TRIM24: variants seen among roughly 807,000 people sequenced by gnomAD.
TRIM24 encodes the protein transcription intermediary factor 1-alpha.
In TRIM24, 29 loss-of-function variants were observed where a neutral mutation model predicts 123.9. The ratio of observed to expected loss-of-function variants is 0.23; its 90% CI spans 0.17 to 0.32. The LOEUF (loss-of-function observed/expected upper bound fraction) is 0.32, where lower values mean the gene tolerates loss of function less well. Among genes scored for constraint, TRIM24 ranks in the 10% least tolerant of loss-of-function variants. The pLI, the probability that TRIM24 is intolerant of heterozygous loss-of-function variation, is 1.00. For missense variants in TRIM24, 932 were observed against 1,295.3 expected (o/e 0.72, Z 4.31); for synonymous variants, 456 against 461.1 (o/e 0.99, Z 0.14).
chr7:138,538,869 T>C, intron 7 of TRIM24, 66 bp downstream of exon 7: 1 of 1,384,790 alleles, frequency 7.2e-7, no homozygotes. Context: ...GCCATTGTAA[T>C]GCTTAAAATT....
At chr7:138,537,923 C>G (rs190415560) in intron 6 of TRIM24, among the ~76,000 whole-genome samples, 2 of 152,172 alleles carry the variant, frequency 1.3e-5, no homozygotes, top group Non-Finnish European at 2.9e-5. Context: ...CCTCCTTTTT[C>G]CTTGCTAGGT....
At chr7:138,501,814 G>A (rs1183181153) in intron 1 of TRIM24, among the ~76,000 whole-genome samples, 1 of 151,802 alleles carries the variant, frequency 6.6e-6, no homozygotes. Context: ...CTTGAACCAG[G>A]GAGGCAGAGG....
intron 2 of TRIM24, among the ~76,000 whole-genome samples, chr7:138,508,692 T>TGTGTGTGTGTGTGCGCGCGC (rs1422176564): frequency 2.2e-5 from 3 of 137,278 alleles, no homozygotes; most frequent in South Asian, 2.4e-4. Flanking sequence ...TGTGTGTGTG[T>TGTGTGTGTGTGTGCGCGCGC]GCGCGCGCGT....
chr7:138,483,810 T>C (rs1476859884), intron 1 of TRIM24, among the ~76,000 whole-genome samples: 1 of 152,146 alleles, frequency 6.6e-6, no homozygotes, highest in Non-Finnish European at 1.5e-5. Context: ...CACAGGAGGA[T>C]GAGATTGGCT....
intron 1 of TRIM24, among the ~76,000 whole-genome samples, chr7:138,501,546 A>G (rs1426406296): frequency 6.6e-6 from 1 of 151,992 alleles, no homozygotes; most frequent in African/African-American, 2.4e-5. Flanking sequence ...CTTCATTATA[A>G]TTTTATGATA....
Position 138,570,998 on chromosome 7 carries a change from C to A in TRIM24, c.1873C>A (p.Pro625Thr). 1.2e-6 allele frequency: 2 copies of A among 1,613,764 alleles called. No individual in the cohort carries two copies. Among genetic ancestry groups the A allele is most frequent in the Non-Finnish European group, 1.7e-6 (2 of 1,179,838 alleles). The change falls in exon 11 of 19, where the codon CCG (proline) becomes ACG (threonine). Residue 625 changes from proline (P) to threonine (T), a missense_variant. Physicochemically the swap from Pro to Thr is conservative, Grantham distance 38. Transcript: ENST00000343526. ...VGGSYNLPSL[P>T]DIDCSSTIML... ...AGGGTCTTATAATCTTCCCTCTCTT[C>A]CGGATGTAAGTAGACACAAAATTTA...
chr7:138,502,258 C>T (rs1224373981), intron 1 of TRIM24, among the ~76,000 whole-genome samples: 1 of 152,172 alleles, frequency 6.6e-6, no homozygotes, highest in Non-Finnish European at 1.5e-5. Context: ...CAGGTACCAG[C>T]CTAGGCTAGA....
At chr7:138,484,379 G>A (rs981040297) in intron 1 of TRIM24, among the ~76,000 whole-genome samples, 2 of 150,638 alleles carry the variant, frequency 1.3e-5, no homozygotes, top group Admixed American at 6.6e-5. Flanking sequence ...AAAGTACTGG[G>A]ATTATAGGCA....
intron 1 of TRIM24, among the ~76,000 whole-genome samples, chr7:138,462,001 C>G (rs559384936): frequency 6.6e-6 from 1 of 152,254 alleles, no homozygotes; most frequent in East Asian, 1.9e-4. Flanking sequence ...CCGTGGGTCT[C>G]CGTTTCTTCA....
At chr7:138,526,829 T>G (rs1254274251) in intron 5 of TRIM24, among the ~76,000 whole-genome samples, 2 of 152,208 alleles carry the variant, frequency 1.3e-5, no homozygotes, top group Non-Finnish European at 2.9e-5. Context: ...GGTTTAAACT[T>G]TTTTTATTCT....
chr7:138,469,395 A>C (rs1584682613), intron 1 of TRIM24, among the ~76,000 whole-genome samples: 1 of 141,428 alleles, frequency 7.1e-6, no homozygotes, highest in African/African-American at 2.7e-5. Context: ...TGCAACCTCC[A>C]CCTCCCCGGT....
In TRIM24 at chr7:138,499,709, G is replaced by A. The variant is rs1042628320; in HGVS notation, c.365-4581G>A. 2.6e-5 allele frequency among the ~76,000 whole-genome samples: 4 copies of A among 152,130 alleles called. No homozygotes were observed. In the East Asian group the frequency reaches 7.7e-4, roughly 29 times the overall value. On this transcript the variant is annotated intron_variant, in intron 1 of 18. Transcript: ENST00000343526. ...CAGCATGTTATACAGTTACACAAAG[G>A]TGTGGGGCAGGGCAGGGAACTGGCT...
chr7:138,462,527 A>G lies in TRIM24; in HGVS notation c.364+1615A>G, dbSNP rs573887704. On this transcript the variant is annotated intron_variant, in intron 1 of 18. Coordinates refer to ENST00000343526, the MANE Select transcript of TRIM24 (RefSeq NM_015905.3). ...GGCTAATTTTTTGTATTTTTAGTAG[A>G]GACGGGGTTTCACCGTGTTAGCCAG... 9.8e-3 allele frequency among the ~76,000 whole-genome samples: 1,489 copies of G among 151,218 alleles called. 17 individuals carry two copies. The highest frequency in any genetic ancestry group is 0.024 in the Middle Eastern group (7 of 294).
At chr7:138,555,216 T>C (rs780172718) in intron 9 of TRIM24, among the ~76,000 whole-genome samples, 15 of 152,180 alleles carry the variant, frequency 9.9e-5, no homozygotes, top group Non-Finnish European at 1.9e-4. Flanking sequence ...GAAGGATAAA[T>C]GTTTGTATTC....
At chr7:138,472,290 T>TAA (rs201465433) in intron 1 of TRIM24, among the ~76,000 whole-genome samples, 3 of 137,908 alleles carry the variant, frequency 2.2e-5, no homozygotes, top group Non-Finnish European at 4.8e-5. Flanking sequence ...ACTGAATTTA[T>TAA]AAAAAAAAAA....
chr7:138,542,741 A>G (rs908026073), intron 7 of TRIM24, among the ~76,000 whole-genome samples: 1 of 152,252 alleles, frequency 6.6e-6, no homozygotes, highest in East Asian at 1.9e-4. Flanking sequence ...GAAATTTTCT[A>G]TACAATTTTA....
intron 11 of TRIM24, among the ~76,000 whole-genome samples, chr7:138,572,153 CAG>C (rs928011317): frequency 6.6e-6 from 1 of 151,910 alleles, no homozygotes; most frequent in Admixed American, 6.6e-5. Context: ...TTAATCTTAC[CAG>C]AGTCATTCCA....
intron 1 of TRIM24, among the ~76,000 whole-genome samples, chr7:138,489,864 G>A (rs1795740111): frequency 6.6e-6 from 1 of 152,132 alleles, no homozygotes; most frequent in Non-Finnish European, 1.5e-5. Flanking sequence ...TCTTTGTGGT[G>A]TTCTCTGTAT....
rs1314193587 is a variant in TRIM24, at chr7:138,467,916, A to G, written c.364+7004A>G. 2.0e-5 allele frequency among the ~76,000 whole-genome samples: 3 copies of G among 151,854 alleles called. No individual in the cohort carries two copies. In the East Asian group the frequency reaches 5.8e-4, roughly 29 times the overall value. ...TTAAGTATCTTTTTTTTTTGTTTCAAGGACTCCTTAGGATTTTCTATGTAG... is the reference window on the plus strand; with the variant it reads ...TTAAGTATCTTTTTTTTTTGTTTCAGGGACTCCTTAGGATTTTCTATGTAG... On this transcript the variant is annotated intron_variant, in intron 1 of 18. Transcript: ENST00000343526.
Sources: gnomAD v4.1 joint callset for allele counts (sites outside exome capture counted in the v4.1 genomes callset) on GRCh38, gnomAD v4.1.1 for gene constraint, MANE v1.5 for transcripts, NCBI Gene and HGNC (gene_info 2026-07-23, HGNC 2026-07-21) for gene names.